SLCO1B1: variants seen among roughly 807,000 people sequenced by gnomAD.
SLCO1B1 encodes solute carrier organic anion transporter family member 1B1.
In SLCO1B1, 81 loss-of-function variants were observed where a neutral mutation model predicts 70.1. The ratio of observed to expected loss-of-function variants is 1.16; its 90% confidence interval spans 0.97 to 1.39. The LOEUF is 1.39. Ranked by LOEUF, SLCO1B1 falls within the 40% of genes most tolerant of loss-of-function variation. The pLI is 0.00. For synonymous variants in SLCO1B1, 283 were observed against 271.5 expected (o/e 1.04, Z -0.42); for missense variants, 895 against 799.6 (o/e 1.12, Z -1.44).
chr12:21,137,498 C>T (rs187051898), intron 1 of SLCO1B1, among the ~76,000 whole-genome samples: 3 of 152,296 alleles, frequency 2.0e-5, no homozygotes, highest in Admixed American at 6.5e-5. Flanking sequence ...AGCTTCCCAG[C>T]CGCTTTGTTT....
rs1385859866 is a variant in SLCO1B1, at chr12:21,174,685, C to T, written c.335C>T (p.Ala112Val). The T allele has an allele frequency of 6.2e-7, 1 of 1,609,206 alleles. No individual in the cohort carries two copies. Among genetic ancestry groups the T allele is most frequent in the Non-Finnish European group, 8.5e-7 (1 of 1,178,216 alleles). The change falls in exon 4 of 15, where the codon GCT becomes GTT. Residue 112 changes from alanine (A) to valine (V), a missense_variant. Coordinates refer to ENST00000256958, the MANE Select transcript of SLCO1B1 (RefSeq NM_006446.5). ...FIMGIGGVLTALPHFFMGYYR... is the reference protein window; with the variant it reads ...FIMGIGGVLTVLPHFFMGYYR... ...ATGGGAATTGGAGGTGTTTTGACTG[C>T]TTTGCCACATTTCTTCATGGGATAG...
chr12:21,218,900 T>C (rs1192156998), intron 12 of SLCO1B1, among the ~76,000 whole-genome samples: 1 of 152,226 alleles, frequency 6.6e-6, no homozygotes, highest in Non-Finnish European at 1.5e-5. Flanking sequence ...AATAAAAATA[T>C]AAATTTCAGT....
chr12:21,186,456 A>G (rs550668404), intron 7 of SLCO1B1, among the ~76,000 whole-genome samples: 1 of 152,048 alleles, frequency 6.6e-6, no homozygotes, highest in Non-Finnish European at 1.5e-5. Context: ...GTGCGTTTTT[A>G]TACTGTTTAG....
chr12:21,204,782 T>C (rs1941195120), intron 10 of SLCO1B1, among the ~76,000 whole-genome samples: 1 of 151,812 alleles, frequency 6.6e-6, no homozygotes, highest in Admixed American at 6.6e-5. Flanking sequence ...AAGGGCCCAT[T>C]TCTTAATTTA....
At chr12:21,212,980 C>A (rs1324247368) in intron 11 of SLCO1B1, among the ~76,000 whole-genome samples, 1 of 151,836 alleles carries the variant, frequency 6.6e-6, no homozygotes, top group Non-Finnish European at 1.5e-5. Flanking sequence ...GATGGGTCTC[C>A]TGAATACAGC....
At chr12:21,200,163 G>T (rs1325577323) in intron 8 of SLCO1B1, among the ~76,000 whole-genome samples, 1 of 152,064 alleles carries the variant, frequency 6.6e-6, no homozygotes, top group Non-Finnish European at 1.5e-5. Flanking sequence ...CCTAACATTT[G>T]CTGAATGAAT....
chr12:21,165,242 C>A (rs143104564), intron 2 of SLCO1B1, among the ~76,000 whole-genome samples: 1,781 of 152,198 alleles, frequency 0.012, 25 homozygotes, highest in Non-Finnish European at 0.018. Context: ...TCTGCCAATG[C>A]ACATTTTATT....
At chr12:21,227,887 T>C (rs1295148704) in intron 14 of SLCO1B1, among the ~76,000 whole-genome samples, 2 of 152,164 alleles carry the variant, frequency 1.3e-5, no homozygotes, top group Admixed American at 6.5e-5. Context: ...AAATATTTTA[T>C]GTTAATTGAT....
rs374859808 is a variant in SLCO1B1, at chr12:21,205,943, A to G, written c.1407A>G (p.Gln469=). The G allele has an allele frequency of 1.4e-4, 231 of 1,611,932 alleles. 3 individuals are homozygous for G. In the East Asian group the frequency reaches 3.9e-3, roughly 27 times the overall value. Reference sequence around the variant, plus strand: ...CAGACTGCAATTGTGATGAAAGTCAATGGGAACCAGTCTGTGGAAACAATG... The same window carrying G: ...CAGACTGCAATTGTGATGAAAGTCAGTGGGAACCAGTCTGTGGAAACAATG... ...CNSDCNCDES[Q]WEPVCGNNGI... The change falls in exon 11 of 15, where the codon CAA becomes CAG. Residue 469 remains glutamine, a synonymous_variant. Transcript: ENST00000256958.
chr12:21,239,030 ATATAT>A lies in SLCO1B1; in HGVS notation c.1925_1929del (p.Ile642AsnfsTer24), dbSNP rs759508960. The A allele has an allele frequency of 5.0e-5, 79 of 1,589,406 alleles. No homozygotes were observed. Among genetic ancestry groups the A allele is most frequent in the Non-Finnish European group, 6.6e-5 (77 of 1,160,042 alleles). On this transcript the variant is annotated frameshift_variant, in exon 15 of 15. Coordinates refer to ENST00000256958, the MANE Select transcript of SLCO1B1 (RefSeq NM_006446.5). LOFTEE classifies it low-confidence loss of function (END_TRUNC). ...TGTTAAGAGTCTCATCACTTGTTTT[ATATAT>A]TATATTAATTTATGCCATGAAGAAA...
intron 7 of SLCO1B1, among the ~76,000 whole-genome samples, chr12:21,181,048 T>C (rs1399465744): frequency 6.6e-6 from 1 of 152,126 alleles, no homozygotes; most frequent in African/African-American, 2.4e-5. Context: ...AACAGGAATT[T>C]AGGGTGTGAT....
At chr12:21,191,583 A>C (rs1221908377) in intron 7 of SLCO1B1, among the ~76,000 whole-genome samples, 1 of 152,022 alleles carries the variant, frequency 6.6e-6, no homozygotes, top group Non-Finnish European at 1.5e-5. Flanking sequence ...CTGCAAGTAG[A>C]GGCAATTTTA....
rs527982797 is a variant in SLCO1B1, at chr12:21,153,396, T to C, written c.84+11738T>C. The stretch of plus-strand genomic sequence containing the variant: ...AACATTTTCTTCAAATATTTGGAGA[T>C]TTTTCGTAATAAATTTTTTGCCAGT... On this transcript the variant is annotated intron_variant, in intron 2 of 14. Transcript: ENST00000256958. Among the ~76,000 whole-genome samples, 6 of 152,238 alleles carry C rather than the reference T, an allele frequency of 3.9e-5. No individual in the cohort carries two copies. In the South Asian group the frequency reaches 1.0e-3, roughly 26 times the overall value.
chr12:21,238,346 G>T (rs1941614893), intron 14 of SLCO1B1, among the ~76,000 whole-genome samples: 1 of 151,990 alleles, frequency 6.6e-6, no homozygotes, highest in Non-Finnish European at 1.5e-5. Context: ...ATTGAATGCT[G>T]TCTACCTTAT....
intron 10 of SLCO1B1, among the ~76,000 whole-genome samples, chr12:21,205,035 CT>C (rs1464136570): frequency 4.6e-5 from 7 of 151,804 alleles, no homozygotes; most frequent in Non-Finnish European, 8.8e-5. Flanking sequence ...GCAGAATATG[CT>C]TTTTAATAAA....
intron 2 of SLCO1B1, among the ~76,000 whole-genome samples, chr12:21,147,989 G>C (rs946588606): frequency 6.6e-6 from 1 of 152,014 alleles, no homozygotes; most frequent in African/African-American, 2.4e-5. Flanking sequence ...TATGTTTGTT[G>C]GCCACATAAA....
intron 11 of SLCO1B1, among the ~76,000 whole-genome samples, chr12:21,209,015 G>A (rs1242619351): frequency 6.6e-6 from 1 of 151,066 alleles, no homozygotes; most frequent in Non-Finnish European, 1.5e-5. Context: ...AGTTCTAGGA[G>A]GCTTTTGGCA....
chr12:21,165,743 A>T (rs970193721), intron 2 of SLCO1B1, among the ~76,000 whole-genome samples: 9 of 152,118 alleles, frequency 5.9e-5, no homozygotes, highest in African/African-American at 2.2e-4. Flanking sequence ...CCATGTGAGA[A>T]TACAAAGAGA....
intron 7 of SLCO1B1, among the ~76,000 whole-genome samples, chr12:21,180,360 G>A (rs999387464): frequency 1.3e-5 from 2 of 152,094 alleles, no homozygotes; most frequent in Non-Finnish European, 1.5e-5. Flanking sequence ...TCCTCTTAGA[G>A]AAGCCTTACT....
Sources: gnomAD v4.1 joint callset for allele counts (sites outside exome capture counted in the v4.1 genomes callset) on GRCh38, gnomAD v4.1.1 for gene constraint, MANE v1.5 for transcripts, NCBI Gene and HGNC (gene_info 2026-07-23, HGNC 2026-07-21) for gene names.